The following PLB1 variants were observed in gnomAD, a reference collection of about 807,000 sequenced individuals.
PLB1 encodes phospholipase B1.
In PLB1, 242 loss-of-function variants were observed where a neutral mutation model predicts 227.4. The ratio of observed to expected loss-of-function variants is 1.06; its 90% CI spans 0.96 to 1.18. The LOEUF (loss-of-function observed/expected upper bound fraction) is 1.18, where lower values mean the gene tolerates loss of function less well. Among genes scored for constraint, PLB1 ranks in the 50% most tolerant of loss-of-function variants. The pLI is 0.00. For synonymous variants in PLB1, 757 were observed against 682.2 expected, an observed-to-expected ratio of 1.11 and a Z score of -1.71; for missense variants, 1,858 against 1,816.3, an observed-to-expected ratio of 1.02 and a Z score of -0.42.
At chr2:28,588,966 C>G (rs1322931657) in intron 26 of PLB1, among the ~76,000 whole-genome samples, 3 of 151,920 alleles carry the variant, frequency 2.0e-5, no homozygotes, top group African/African-American at 7.3e-5. Context: ...GAGTTCGAGA[C>G]CAGCCTGGCC....
At chr2:28,557,979 C>A (rs1353509089) in intron 17 of PLB1, among the ~76,000 whole-genome samples, 2 of 152,208 alleles carry the variant, frequency 1.3e-5, no homozygotes, top group Non-Finnish European at 2.9e-5. Flanking sequence ...TGGTTTATTA[C>A]TGTATCTCTT....
chr2:28,629,331 G>C (rs1170122167), intron 53 of PLB1, 146 bp downstream of exon 53: 1 of 611,918 alleles, frequency 1.6e-6, no homozygotes, highest in Non-Finnish European at 2.8e-6. Context: ...ACATCAGGAA[G>C]TACCTCTACA....
intron 26 of PLB1, among the ~76,000 whole-genome samples, chr2:28,589,135 A>G (rs1681427599): frequency 6.6e-6 from 1 of 152,076 alleles, no homozygotes; most frequent in African/African-American, 2.4e-5. Flanking sequence ...ATTGCACTCC[A>G]GCCTGGGTGA....
At chr2:28,627,452 C>T (rs563018340) in intron 51 of PLB1, among the ~76,000 whole-genome samples, 12 of 152,264 alleles carry the variant, frequency 7.9e-5, no homozygotes, top group African/African-American at 1.7e-4. Flanking sequence ...TTTATACTTC[C>T]GAGAGCGTAG....
rs1378760857 is a variant in PLB1 at position 28,525,203 on chromosome 2, G to T, written c.244-64G>T. The T allele has an allele frequency of 4.0e-6, 6 of 1,513,158 alleles. No individual in the cohort carries two copies. In the Admixed American group the frequency reaches 8.9e-5, roughly 22 times the overall value. 93.7% of individuals were successfully genotyped at this position (1,513,158 alleles called of 1,614,324 possible). On this transcript the variant is annotated intron_variant, in intron 4 of 57. Coordinates refer to ENST00000327757, the MANE Select transcript of PLB1 (RefSeq NM_153021.5). ...GGGGAGTTCTGACAGGCAGCTTGCG[G>T]TCTAACTAGAAGAGGCTCTGCCACC... is the stretch of plus-strand genomic sequence containing the variant.
chr2:28,516,673 C>G, intron 1 of PLB1, 135 bp from the exon 2 acceptor site: 5 of 728,212 alleles, frequency 6.9e-6, no homozygotes, highest in South Asian at 3.6e-5. Flanking sequence ...CAAATAGAAT[C>G]TGGGCTTCCC....
At chr2:28,562,922 G>C (rs1465758754) in intron 17 of PLB1, 119 bp from the exon 18 acceptor site, 1 of 916,262 alleles carries the variant, frequency 1.1e-6, no homozygotes, top group Non-Finnish European at 1.8e-6. Context: ...AAGGTGTCTT[G>C]GTGGTAAAAA....
intron 56 of PLB1, among the ~76,000 whole-genome samples, chr2:28,640,569 T>A (rs966809156): frequency 1.3e-5 from 2 of 152,200 alleles, no homozygotes; most frequent in African/African-American, 4.8e-5. Context: ...ACACGGTGTC[T>A]TGCAATCACA....
chr2:28,633,937 A>G (rs1397873129), intron 56 of PLB1, among the ~76,000 whole-genome samples: 1 of 152,130 alleles, frequency 6.6e-6, no homozygotes, highest in African/African-American at 2.4e-5. Flanking sequence ...TCAGGCCCAT[A>G]GTGTCTCTGC....
At chr2:28,575,222 G>A (rs924041600) in intron 21 of PLB1, among the ~76,000 whole-genome samples, 3 of 152,176 alleles carry the variant, frequency 2.0e-5, no homozygotes, top group Non-Finnish European at 2.9e-5. Flanking sequence ...CAGGAGTAAA[G>A]TGATATCTCA....
chr2:28,566,469 C>T, intron 19 of PLB1: 1 of 318,388 alleles, frequency 3.1e-6, no homozygotes, highest in South Asian at 5.5e-5. Flanking sequence ...GCTGCAGTGG[C>T]TAGTTGGAAA....
intron 41 of PLB1, among the ~76,000 whole-genome samples, chr2:28,605,073 G>A (rs528193703): frequency 6.6e-5 from 10 of 152,358 alleles, no homozygotes; most frequent in Non-Finnish European, 1.3e-4. Context: ...GAGATGTGAA[G>A]CGTCCTTCCT....
In PLB1 at chr2:28,600,841, A is replaced by G. The variant is rs1683755985; in HGVS notation, c.2507A>G (p.Gln836Arg). Residue 836 changes from glutamine to arginine, a missense_variant, in exon 36 of 58, where the codon CAG becomes CGG. Physicochemically the swap from Gln to Arg is conservative, Grantham distance 43. Coordinates refer to ENST00000327757, the MANE Select transcript of PLB1 (RefSeq NM_153021.5). ...DLMSQVQTLM[Q>R]KMKDDHRVNF... is the part of the protein sequence containing the mutation. ...ATGAGCCAAGTCCAAACTCTGATGC[A>G]GAAGATGAAAGATGATCATGTGAGT... 5 of 1,612,154 alleles carry G rather than the reference A, an allele frequency of 3.1e-6. No individual in the cohort carries two copies. The highest frequency in any genetic ancestry group is 1.7e-4 in the Middle Eastern group (1 of 6,058).
At chr2:28,576,084 A>G (rs1678878265) in intron 21 of PLB1, among the ~76,000 whole-genome samples, 2 of 150,170 alleles carry the variant, frequency 1.3e-5, no homozygotes, top group African/African-American at 2.4e-5. Flanking sequence ...AGTGTGATTC[A>G]TATGGCCCTG....
intron 21 of PLB1, among the ~76,000 whole-genome samples, chr2:28,574,280 T>C (rs1004795446): frequency 6.6e-6 from 1 of 151,956 alleles, no homozygotes; most frequent in Admixed American, 6.6e-5. Flanking sequence ...GAGATTTTGG[T>C]GTACCTGTCA....
chr2:28,625,947 A>G (rs1446257512), intron 50 of PLB1, among the ~76,000 whole-genome samples: 1 of 147,104 alleles, frequency 6.8e-6, no homozygotes, highest in Non-Finnish European at 1.5e-5. Flanking sequence ...TCTGTGGAGC[A>G]CCTTATCCTA....
At chr2:28,614,213 C>A in intron 44 of PLB1, 117 bp downstream of exon 44, 1 of 1,022,254 alleles carries the variant, frequency 9.8e-7, no homozygotes, top group Non-Finnish European at 1.5e-6. Context: ...TTCTTACATA[C>A]TGGGGATTGG....
chr2:28,551,942 G>A (rs760197151), intron 16 of PLB1, among the ~76,000 whole-genome samples: 4 of 152,190 alleles, frequency 2.6e-5, no homozygotes, highest in South Asian at 2.1e-4. Context: ...GGAACTCAGG[G>A]TAGGCAGCAA....
intron 21 of PLB1, among the ~76,000 whole-genome samples, chr2:28,576,666 G>C (rs528831053): frequency 6.6e-6 from 1 of 152,278 alleles, no homozygotes; most frequent in African/African-American, 2.4e-5. Flanking sequence ...GGAGGTGGAG[G>C]TTGCAGTGAA....
Sources: gnomAD v4.1 joint callset for allele counts (sites outside exome capture counted in the v4.1 genomes callset) on GRCh38, gnomAD v4.1.1 for gene constraint, MANE v1.5 for transcripts, NCBI Gene and HGNC (gene_info 2026-07-23, HGNC 2026-07-21) for gene names.